SEMA3A: variants seen among roughly 807,000 people sequenced by gnomAD.
SEMA3A encodes semaphorin 3A.
In SEMA3A, 29 loss-of-function variants were observed where a neutral mutation model predicts 97.9. The ratio of observed to expected loss-of-function variants is 0.30; its 90% CI spans 0.22 to 0.40. SEMA3A has a LOEUF of 0.40. Among genes scored for constraint, SEMA3A ranks in the 10% least tolerant of loss-of-function variants. The pLI, the probability that SEMA3A is intolerant of heterozygous loss-of-function variation, is 1.00. For synonymous variants in SEMA3A, 321 were observed against 323.7 expected (o/e 0.99, Z 0.09); for missense variants, 763 against 951.3 (o/e 0.80, Z 2.60).
intron 3 of SEMA3A, among the ~76,000 whole-genome samples, chr7:84,294,648 T>G (rs2115798269): frequency 6.6e-6 from 1 of 152,174 alleles, no homozygotes; most frequent in East Asian, 1.9e-4. Flanking sequence ...ACATTTATTT[T>G]TACTCCTCTT....
chr7:84,475,100 G>T (rs1211912596), intron 1 of SEMA3A, among the ~76,000 whole-genome samples: 4 of 152,134 alleles, frequency 2.6e-5, no homozygotes, highest in Non-Finnish European at 5.9e-5. Context: ...AAGAGTGCCG[G>T]GTCCCAGGAG....
intron 1 of SEMA3A, among the ~76,000 whole-genome samples, chr7:84,162,921 C>T (rs1453535447): frequency 2.6e-5 from 4 of 152,058 alleles, no homozygotes; most frequent in Non-Finnish European, 5.9e-5. Context: ...CTAGAAACTT[C>T]GATAAGTACC....
intron 7 of SEMA3A, 21 bp downstream of exon 7, chr7:84,014,188 G>GT (rs549929435): frequency 1.3e-3 from 2,022 of 1,525,502 alleles, no homozygotes; most frequent in Admixed American, 2.5e-3. Flanking sequence ...ATCCTTCTCA[G>GT]TTTTTTTTTC....
chr7:84,245,066 T>A (rs1021096920), intron 3 of SEMA3A, among the ~76,000 whole-genome samples: 9 of 152,172 alleles, frequency 5.9e-5, no homozygotes, highest in African/African-American at 2.2e-4. Context: ...ATTATGTGTC[T>A]TGAGATTGCT....
chr7:84,469,164 A>G (rs2116405532), intron 1 of SEMA3A, among the ~76,000 whole-genome samples: 1 of 152,286 alleles, frequency 6.6e-6, no homozygotes, highest in Admixed American at 6.5e-5. Flanking sequence ...CCTTTCTAGG[A>G]AAGAGAATGT....
At chr7:84,180,585 G>T (rs1244323427) in intron 1 of SEMA3A, among the ~76,000 whole-genome samples, 1 of 152,104 alleles carries the variant, frequency 6.6e-6, no homozygotes, top group Admixed American at 6.5e-5. Context: ...CTACTTGGGA[G>T]GCTGAGGCAG....
At chr7:84,456,588 C>A (rs543556249) in intron 1 of SEMA3A, among the ~76,000 whole-genome samples, 183 of 151,730 alleles carry the variant, frequency 1.2e-3, no homozygotes, top group African/African-American at 4.2e-3. Context: ...GTTTAATAAT[C>A]ATTAATATAT....
chr7:84,105,958 T>A (rs1795096155), intron 4 of SEMA3A, among the ~76,000 whole-genome samples: 1 of 152,288 alleles, frequency 6.6e-6, no homozygotes, highest in African/African-American at 2.4e-5. Context: ...TCAAGTGTTA[T>A]TGGAAGATAC....
chr7:84,005,619 A>ATGTT, intron 10 of SEMA3A, 61 bp from the exon 11 acceptor site: 1 of 1,139,146 alleles, frequency 8.8e-7, no homozygotes, highest in Non-Finnish European at 1.3e-6. Flanking sequence ...ATTATAAATT[A>ATGTT]TATAATAACA....
chr7:84,424,479 A>G (rs1017952819), intron 1 of SEMA3A, among the ~76,000 whole-genome samples: 29 of 112,822 alleles, frequency 2.6e-4, no homozygotes, highest in East Asian at 1.8e-3. Flanking sequence ...TACAATATAT[A>G]ATATATTGAT....
intron 5 of SEMA3A, among the ~76,000 whole-genome samples, chr7:84,059,962 A>C (rs1370330523): frequency 6.6e-6 from 1 of 152,168 alleles, no homozygotes; most frequent in Non-Finnish European, 1.5e-5. Context: ...ATTATTTTGA[A>C]CTATAAGCAT....
chr7:84,003,706 A>G (rs998619659), intron 11 of SEMA3A, among the ~76,000 whole-genome samples: 6 of 152,176 alleles, frequency 3.9e-5, no homozygotes, highest in Non-Finnish European at 8.8e-5. Flanking sequence ...GAAAAAGGCA[A>G]GTGTGACATG....
chr7:84,437,253 G>A (rs1805156359), intron 1 of SEMA3A, among the ~76,000 whole-genome samples: 1 of 152,008 alleles, frequency 6.6e-6, no homozygotes, highest in South Asian at 2.1e-4. Flanking sequence ...AGGAATAATG[G>A]AATGAACTGA....
chr7:84,227,734 T>C lies in SEMA3A; in HGVS notation c.-82-33066A>G, dbSNP rs78739270. Among the ~76,000 whole-genome samples, 599 of 152,188 alleles carry C rather than the reference T, an allele frequency of 3.9e-3. 3 individuals are homozygous for C. The highest frequency in any genetic ancestry group is 0.013 in the African/African-American group (552 of 41,534). On this transcript the variant is annotated intron_variant, in intron 3 of 3. Transcript: ENST00000424555. ...GACCACCTGTGTGATGTGATTTGAA[T>C]GGAACTGAAATACCCGGCTTATGCA...
At chr7:84,014,145 T>A in intron 7 of SEMA3A, 64 bp downstream of exon 7, 1 of 1,479,916 alleles carries the variant, frequency 6.8e-7, no homozygotes, top group East Asian at 2.3e-5. Context: ...AGGTAGAAAA[T>A]TTTAAAAAGC....
intron 4 of SEMA3A, among the ~76,000 whole-genome samples, chr7:84,074,797 C>G (rs1376365439): frequency 6.6e-6 from 1 of 151,246 alleles, no homozygotes; most frequent in Non-Finnish European, 1.5e-5. Flanking sequence ...TATGCTTACT[C>G]AAATAACAAC....
chr7:84,194,468 G>C lies in SEMA3A; in HGVS notation c.112+7C>G. 1 of 1,568,540 alleles carries C rather than the reference G, an allele frequency of 6.4e-7. No individual in the cohort carries two copies. Among genetic ancestry groups the C allele is most frequent in the Non-Finnish European group, 8.8e-7 (1 of 1,139,108 alleles). ...AGCTAACCAAATAAAAGAAAAATAAGATTTACCTTTGTAGGATAATTTCAG... is the reference window on the plus strand; with the variant it reads ...AGCTAACCAAATAAAAGAAAAATAACATTTACCTTTGTAGGATAATTTCAG... On this transcript the variant is annotated splice_region_variant and intron_variant, in intron 1 of 16. Transcript: ENST00000265362.
At chr7:84,310,244 T>C (rs1375972621) in intron 2 of SEMA3A, among the ~76,000 whole-genome samples, 1 of 151,938 alleles carries the variant, frequency 6.6e-6, no homozygotes, top group Non-Finnish European at 1.5e-5. Flanking sequence ...CAAGAAAAAA[T>C]ATACATCTTC....
At chr7:84,266,510 A>C (rs1037432851) in intron 3 of SEMA3A, among the ~76,000 whole-genome samples, 2 of 152,018 alleles carry the variant, frequency 1.3e-5, no homozygotes, top group Non-Finnish European at 2.9e-5. Context: ...TGGAGAAGCC[A>C]GATTTTGAGT....
Sources: allele counts gnomAD v4.1 joint callset (sites outside exome capture counted in the v4.1 genomes callset), GRCh38; gene constraint gnomAD v4.1.1; transcripts MANE v1.5; gene names NCBI Gene and HGNC (gene_info 2026-07-23, HGNC 2026-07-21).